The following HPCAL1 variants were observed in gnomAD, a reference collection of about 807,000 sequenced individuals.
HPCAL1 encodes hippocalcin-like protein 1.
HPCAL1 carries 8 observed loss-of-function variants against 17.1 expected under a neutral mutation model. The ratio of observed to expected loss-of-function variants is 0.47; its 90% CI spans 0.27 to 0.84. The LOEUF is 0.84. HPCAL1 is among the 40% of genes least tolerant of loss of function. The pLI, the probability that HPCAL1 is intolerant of heterozygous loss-of-function variation, is 0.13. For missense variants in HPCAL1, 165 were observed against 271.1 expected (o/e 0.61, Z 2.75); for synonymous variants, 112 against 111.4 (o/e 1.01, Z -0.03).
intron 2 of HPCAL1, among the ~76,000 whole-genome samples, chr2:10,417,153 A>C (rs1670723289): frequency 6.6e-6 from 1 of 152,050 alleles, no homozygotes; most frequent in Non-Finnish European, 1.5e-5. Flanking sequence ...ACCTGAAGTC[A>C]GGAGTTCGAG....
At chr2:10,339,453 T>G (rs1007254419) in intron 1 of HPCAL1, among the ~76,000 whole-genome samples, 16 of 152,138 alleles carry the variant, frequency 1.1e-4, no homozygotes, top group African/African-American at 3.6e-4. Flanking sequence ...TACAGGCACA[T>G]GCCACCATGC....
rs1662455681 is a variant in HPCAL1, at chr2:10,304,092, G to A, written c.-111+915G>A. 6.6e-6 allele frequency: 1 copy of A among 152,222 alleles called. No individual in the cohort carries two copies. The highest frequency in any genetic ancestry group is 2.1e-4 in the South Asian group (1 of 4,838). The allele number at this position is 152,222 out of a possible 1,614,324, so 9.4% of individuals were successfully genotyped here. ...CCGCGAAGCACTGAGATTCGAGAAAGTTTAGCTGCCAGCTGCGCTGCCTCC... is the reference window on the plus strand; with the variant it reads ...CCGCGAAGCACTGAGATTCGAGAAAATTTAGCTGCCAGCTGCGCTGCCTCC... On this transcript the variant is annotated intron_variant, in intron 1 of 4. Coordinates refer to ENST00000307845, the MANE Select transcript of HPCAL1 (RefSeq NM_002149.4). The surrounding 1 kb of genome is among the most constrained non-coding windows in gnomAD (Gnocchi z 4.1).
At chr2:10,413,944 T>G (rs1412147305) in intron 2 of HPCAL1, among the ~76,000 whole-genome samples, 1 of 152,228 alleles carries the variant, frequency 6.6e-6, no homozygotes, top group Non-Finnish European at 1.5e-5. Context: ...AGAAAGGGCC[T>G]GCCACTAGCC....
intron 1 of HPCAL1, among the ~76,000 whole-genome samples, chr2:10,334,567 A>G (rs962368184): frequency 6.6e-6 from 1 of 152,146 alleles, no homozygotes; most frequent in Non-Finnish European, 1.5e-5. Flanking sequence ...ATATATATAT[A>G]TCACTTTGTA....
chr2:10,360,929 T>C (rs1666483914), intron 1 of HPCAL1, among the ~76,000 whole-genome samples: 1 of 151,462 alleles, frequency 6.6e-6, no homozygotes, highest in Non-Finnish European at 1.5e-5. Flanking sequence ...ATGTTCTGAA[T>C]ATGCTTTTGT....
Position 10,366,784 on chromosome 2 carries a change from G to T in HPCAL1, c.-110-30051G>T, listed in dbSNP as rs576339776. 3.3e-5 allele frequency among the ~76,000 whole-genome samples: 5 copies of T among 152,314 alleles called. No homozygotes were observed. In the South Asian group the frequency reaches 1.0e-3, roughly 32 times the overall value. On this transcript the variant is annotated intron_variant, in intron 1 of 4. Transcript: ENST00000307845. ...CCGTCTTCTCCACTAGGAGCTCTGTGGTACGGGCTTTCTGCACCTTGACCT... is the reference window on the plus strand; with the variant it reads ...CCGTCTTCTCCACTAGGAGCTCTGTTGTACGGGCTTTCTGCACCTTGACCT...
At chr2:10,318,519 G>A (rs912477384) in intron 1 of HPCAL1, among the ~76,000 whole-genome samples, 83 of 152,332 alleles carry the variant, frequency 5.4e-4, no homozygotes, top group African/African-American at 1.8e-3. Flanking sequence ...AAGGCCGCAC[G>A]TGGGTGTGGT....
At chr2:10,411,914 CTGT>C (rs1463972920) in intron 2 of HPCAL1, among the ~76,000 whole-genome samples, 1 of 152,218 alleles carries the variant, frequency 6.6e-6, no homozygotes, top group Non-Finnish European at 1.5e-5. Context: ...TCCTCTGGGC[CTGT>C]TGTTCTCCTG....
At chr2:10,385,310 G>A (rs1199312545) in intron 1 of HPCAL1, among the ~76,000 whole-genome samples, 1 of 152,170 alleles carries the variant, frequency 6.6e-6, no homozygotes, top group Non-Finnish European at 1.5e-5. Flanking sequence ...GGGACTCCAG[G>A]ACCCCAGTGC....
intron 1 of HPCAL1, among the ~76,000 whole-genome samples, chr2:10,368,478 G>A (rs561415937): frequency 6.6e-6 from 1 of 152,180 alleles, no homozygotes; most frequent in Non-Finnish European, 1.5e-5. Flanking sequence ...TCCCAGCTCC[G>A]GCCTGGCTTT....
chr2:10,355,267 C>T (rs1027228648), intron 1 of HPCAL1, among the ~76,000 whole-genome samples: 12 of 151,356 alleles, frequency 7.9e-5, no homozygotes, highest in East Asian at 1.9e-4. Context: ...CTGGCTAAAA[C>T]GGGGAAACCC....
At chr2:10,413,551 A>G (rs991697108) in intron 2 of HPCAL1, among the ~76,000 whole-genome samples, 1 of 152,202 alleles carries the variant, frequency 6.6e-6, no homozygotes, top group African/African-American at 2.4e-5. Flanking sequence ...CCGCAGGCGC[A>G]CACGTCTGCC....
intron 1 of HPCAL1, among the ~76,000 whole-genome samples, chr2:10,356,354 TGA>T (rs1271303040): frequency 6.6e-6 from 1 of 152,134 alleles, no homozygotes; most frequent in Non-Finnish European, 1.5e-5. Context: ...CCCTTTTGCC[TGA>T]GGGACTGGGG....
intron 1 of HPCAL1, among the ~76,000 whole-genome samples, chr2:10,378,629 C>T (rs146127837): frequency 1.4e-4 from 21 of 152,214 alleles, no homozygotes; most frequent in Admixed American, 1.0e-3. Flanking sequence ...CTGACCTCAC[C>T]GCAACCTAAT....
chr2:10,421,220 A>C (rs1671043356), intron 3 of HPCAL1, among the ~76,000 whole-genome samples: 2 of 152,382 alleles, frequency 1.3e-5, no homozygotes, highest in African/African-American at 2.4e-5. Flanking sequence ...GAATCAGCTC[A>C]GCACGGGAAA....
Position 10,310,667 on chromosome 2 carries a change from C to T in HPCAL1, c.-111+7490C>T, listed in dbSNP as rs969107599. 4.6e-5 allele frequency among the ~76,000 whole-genome samples: 7 copies of T among 152,116 alleles called. No homozygotes were observed. Among genetic ancestry groups the T allele is most frequent in the African/African-American group, 1.7e-4 (7 of 41,424 alleles). ...GCTGCAGGTTGTTCCTCAGGCATAA[C>T]GAGGCCCGGAGCTGGTGGTCCCCTC... On this transcript the variant is annotated intron_variant, in intron 1 of 4. Coordinates refer to ENST00000307845, the MANE Select transcript of HPCAL1 (RefSeq NM_002149.4). This position sits in a 1 kb window ranked among gnomAD's most constrained non-coding sequence, Gnocchi z 4.5.
At chr2:10,388,559 C>T (rs958282387) in intron 1 of HPCAL1, among the ~76,000 whole-genome samples, 4 of 152,232 alleles carry the variant, frequency 2.6e-5, no homozygotes, top group South Asian at 2.1e-4. Flanking sequence ...CACGGTCTCC[C>T]GTCTGTCTCT....
At chr2:10,305,303 T>C (rs755702054) in intron 1 of HPCAL1, among the ~76,000 whole-genome samples, 11 of 152,232 alleles carry the variant, frequency 7.2e-5, no homozygotes, top group Non-Finnish European at 1.6e-4. Context: ...TTGTTTTGTT[T>C]TTGTTTTTTT....
rs1663778843 is a variant in HPCAL1 at position 10,323,093 on chromosome 2, C to T, written c.-111+19916C>T. ...ATCCCAGGCTGACCCTGAGGTCCAC[C>T]ATGACTGTGCTGCAGCCACCACCAC... On this transcript the variant is annotated intron_variant, in intron 1 of 4. Coordinates refer to ENST00000307845, the MANE Select transcript of HPCAL1 (RefSeq NM_002149.4). This position sits in a 1 kb window ranked among gnomAD's most constrained non-coding sequence, Gnocchi z 4.6. Among the ~76,000 whole-genome samples the T allele has an allele frequency of 6.6e-6, 1 of 152,160 alleles. No homozygotes were observed. The highest frequency in any genetic ancestry group is 1.5e-5 in the Non-Finnish European group (1 of 68,026).
Sources: gnomAD v4.1 joint callset for allele counts (sites outside exome capture counted in the v4.1 genomes callset) on GRCh38, gnomAD v4.1.1 for gene constraint, Gnocchi (gnomAD v3.1) non-coding constraint, MANE v1.5 for transcripts, NCBI Gene and HGNC (gene_info 2026-07-23, HGNC 2026-07-21) for gene names.